RARB: variants seen among roughly 807,000 people sequenced by gnomAD.
RARB encodes the protein retinoic acid receptor beta.
In RARB, 17 loss-of-function variants were observed where a neutral mutation model predicts 51.9. That is an observed-to-expected ratio of 0.33 (90% CI 0.22 to 0.49). The LOEUF (loss-of-function observed/expected upper bound fraction) is 0.49. RARB is among the 20% of genes least tolerant of loss of function. The probability of loss-of-function intolerance (pLI) is 0.99; values close to 1 mark genes in which losing one functional copy is unlikely to be tolerated. For missense variants in RARB, 369 were observed against 550.8 expected (o/e 0.67, Z 3.30); for synonymous variants, 215 against 195.4 (o/e 1.10, Z -0.84).
At chr3:25,137,120 G>A (rs1022301687) in intron 4 of RARB, among the ~76,000 whole-genome samples, 1 of 152,000 alleles carries the variant, frequency 6.6e-6, no homozygotes, top group African/African-American at 2.4e-5. Context: ...CCGACTACTA[G>A]CCCTATTATT....
Position 25,133,139 on chromosome 3 carries a change from C to A in RARB, c.-280+931C>A, listed in dbSNP as rs73049951. ...AATTTAGACATTTTTATCACGTCAT[C>A]CTTAACCATATGTAAAAGGGGAAGT... is the stretch of plus-strand genomic sequence containing the variant. On this transcript the variant is annotated intron_variant, in intron 4 of 11. Coordinates refer to the RARB transcript ENST00000383772. Among the ~76,000 whole-genome samples, 849 of 151,950 alleles carry A rather than the reference C, an allele frequency of 5.6e-3. 4 individuals carry two copies. The highest frequency in any genetic ancestry group is 0.02 in the Middle Eastern group (6 of 294).
chr3:25,471,178 G>T (rs1409202182), intron 2 of RARB, among the ~76,000 whole-genome samples: 1 of 152,100 alleles, frequency 6.6e-6, no homozygotes, highest in Non-Finnish European at 1.5e-5. Context: ...AAGGTCTTTG[G>T]TGACCAAAGT....
intron 2 of RARB, among the ~76,000 whole-genome samples, chr3:25,480,693 A>G (rs1696183799): frequency 6.6e-6 from 1 of 152,092 alleles, no homozygotes; most frequent in Non-Finnish European, 1.5e-5. Context: ...ATTTTTTCTT[A>G]TTAGAGTTAA....
chr3:24,863,542 C>G (rs193224919), intron 2 of RARB, among the ~76,000 whole-genome samples: 10 of 152,102 alleles, frequency 6.6e-5, no homozygotes, highest in African/African-American at 1.4e-4. Context: ...TCAGCGTAAC[C>G]TGGATTAGGG....
rs140927435 is a variant in RARB, at chr3:25,498,834, G to C, written c.307-2348G>C. 1.0e-3 allele frequency among the ~76,000 whole-genome samples: 152 copies of C among 152,316 alleles called. 1 individual carries two copies. The highest frequency in any genetic ancestry group is 3.2e-3 in the African/African-American group (134 of 41,580). ...AGAGCGATGGAGGTTTCTGTAAACT[G>C]AGTTTCTACATCTGGCAGCAGAAAG... On this transcript the variant is annotated intron_variant, in intron 2 of 7. Transcript: ENST00000330688.
At chr3:24,948,916 C>G (rs1385459559) in intron 2 of RARB, among the ~76,000 whole-genome samples, 1 of 152,122 alleles carries the variant, frequency 6.6e-6, no homozygotes, top group East Asian at 1.9e-4. Context: ...TCCTGTACAG[C>G]CTGTAGAACC....
chr3:24,912,972 A>ATTGTTTT, intron 2 of RARB, among the ~76,000 whole-genome samples: 1 of 57,656 alleles, frequency 1.7e-5, no homozygotes, highest in East Asian at 4.9e-4. Context: ...CAAGGTACTG[A>ATTGTTTT]TTCTTTTTTT....
intron 2 of RARB, among the ~76,000 whole-genome samples, chr3:25,050,623 G>A (rs1458477564): frequency 6.6e-6 from 1 of 152,056 alleles, no homozygotes; most frequent in Non-Finnish European, 1.5e-5. Context: ...CAAGTTTCTT[G>A]TATTTCATTC....
chr3:25,283,698 G>C (rs1200894013), intron 5 of RARB, among the ~76,000 whole-genome samples: 1 of 152,170 alleles, frequency 6.6e-6, no homozygotes, highest in Non-Finnish European at 1.5e-5. Flanking sequence ...CTGCTGTGGG[G>C]CTGCTGTACT....
intron 2 of RARB, among the ~76,000 whole-genome samples, chr3:24,896,964 A>G (rs933333360): frequency 6.6e-6 from 1 of 152,236 alleles, no homozygotes; most frequent in Non-Finnish European, 1.5e-5. Context: ...CAGGAAAACA[A>G]CACATCTTGA....
intron 2 of RARB, among the ~76,000 whole-genome samples, chr3:24,903,495 T>A (rs1703648916): frequency 6.6e-6 from 1 of 152,172 alleles, no homozygotes; most frequent in African/African-American, 2.4e-5. Flanking sequence ...AATATAATCA[T>A]AAATATATTT....
rs573593123 is a variant in RARB, at chr3:25,281,091, C to T, written c.178+106516C>T. On this transcript the variant is annotated intron_variant, in intron 5 of 11. Coordinates refer to the RARB transcript ENST00000383772. ...AGTACAAATAAGAAAAATGAATCCT[C>T]ACTACAGAATGCTCTTAAAGAGATT... 4.6e-5 allele frequency among the ~76,000 whole-genome samples: 7 copies of T among 152,316 alleles called. No homozygotes were observed. The South Asian group carries it at 1.4e-3, about 32-fold the overall frequency.
chr3:25,380,190 C>A (rs1706582751), intron 5 of RARB, among the ~76,000 whole-genome samples: 2 of 152,168 alleles, frequency 1.3e-5, no homozygotes, highest in Admixed American at 6.5e-5. Flanking sequence ...CTCCTGTGCC[C>A]CGTTTAATGG....
At chr3:24,873,268 C>T (rs888073036) in intron 2 of RARB, among the ~76,000 whole-genome samples, 1 of 152,134 alleles carries the variant, frequency 6.6e-6, no homozygotes, top group African/African-American at 2.4e-5. Flanking sequence ...TCTTTGTGAA[C>T]ATACTTTTTC....
intron 3 of RARB, among the ~76,000 whole-genome samples, chr3:25,503,636 G>A (rs1189769012): frequency 6.6e-6 from 1 of 152,096 alleles, no homozygotes; most frequent in African/African-American, 2.4e-5. Context: ...TTATGTCCAA[G>A]TACACAAAAA....
chr3:25,201,338 G>C (rs571080140), intron 5 of RARB, among the ~76,000 whole-genome samples: 11 of 152,236 alleles, frequency 7.2e-5, no homozygotes, highest in African/African-American at 2.6e-4. Flanking sequence ...GGGCTGAGAC[G>C]ATGGGGTTTT....
intron 2 of RARB, among the ~76,000 whole-genome samples, chr3:24,919,418 G>A (rs543065159): frequency 1.3e-5 from 2 of 152,178 alleles, no homozygotes; most frequent in Non-Finnish European, 2.9e-5. Flanking sequence ...GCCAATCATC[G>A]AGTTTTGGCT....
intron 3 of RARB, among the ~76,000 whole-genome samples, chr3:25,099,782 C>G (rs950591105): frequency 6.6e-6 from 1 of 152,048 alleles, no homozygotes; most frequent in Non-Finnish European, 1.5e-5. Context: ...TAGACCTGAA[C>G]GTGGTGCATC....
intron 2 of RARB, among the ~76,000 whole-genome samples, chr3:24,914,376 G>A (rs1695063196): frequency 6.6e-6 from 1 of 152,140 alleles, no homozygotes; most frequent in Admixed American, 6.5e-5. Context: ...GGAATATTGG[G>A]GGCAGGGTAA....
Sources: allele counts gnomAD v4.1 joint callset (sites outside exome capture counted in the v4.1 genomes callset), GRCh38; gene constraint gnomAD v4.1.1; transcripts MANE v1.5; gene names NCBI Gene and HGNC (gene_info 2026-07-23, HGNC 2026-07-21).